The following GSTM3 variants were observed in gnomAD, a reference collection of about 807,000 sequenced individuals.
The protein encoded by GSTM3 is GST class-mu 3.
In GSTM3, 34 loss-of-function variants were observed where a neutral mutation model predicts 36.1. The observed-to-expected ratio is 0.94, with a 90% CI of 0.72 to 1.25. GSTM3 has a LOEUF of 1.25. Among genes scored for constraint, GSTM3 ranks in the 50% most tolerant of loss-of-function variants. GSTM3 has a pLI of 0.00. For missense variants in GSTM3, 266 were observed against 281.6 expected, an observed-to-expected ratio of 0.94 and a Z score of 0.40; for synonymous variants, 102 against 99.5, an observed-to-expected ratio of 1.03 and a Z score of -0.15.
intron 5 of GSTM3, 24 bp downstream of exon 5, chr1:109,738,261 C>G (rs760419434): frequency 6.2e-7 from 1 of 1,603,444 alleles, no homozygotes; most frequent in East Asian, 2.2e-5. Context: ...GCCTGGGGTC[C>G]CTCACCAGCC....
chr1:109,739,730 C>T, intron 3 of GSTM3, 103 bp downstream of exon 3: 1 of 882,958 alleles, frequency 1.1e-6, no homozygotes, highest in Non-Finnish European at 1.8e-6. Flanking sequence ...TTGGGGCAAA[C>T]GTCCCACCCG....
At chr1:109,739,984 CGGGG>C (rs1649320254) in intron 2 of GSTM3, 76 bp from the exon 3 acceptor site, 1 of 1,237,422 alleles carries the variant, frequency 8.1e-7, no homozygotes. Context: ...TTCCCCGGCC[CGGGG>C]CTGCCGAGTC....
Position 109,737,482 on chromosome 1 carries a change from A to C in GSTM3, c.554T>G (p.Leu185Arg). The C allele has an allele frequency of 2.5e-6, 4 of 1,611,026 alleles. No homozygotes were observed. Among genetic ancestry groups the C allele is most frequent in the Non-Finnish European group, 3.4e-6 (4 of 1,177,262 alleles). ...DPKCLDEFPN[L>R]KAFMCRFEAL... ...CTCAAAACGGCACATGAAAGCCTTC[A>C]GGTTTGGGAACTCATCCAGGCACTT... The change falls in exon 8 of 9, where the codon CTG becomes CGG. Residue 185 changes from leucine (L) to arginine (R), a missense_variant. Physicochemically the swap from Leu to Arg is moderately radical, Grantham distance 102. Coordinates refer to ENST00000361066, the MANE Select transcript of GSTM3 (RefSeq NM_000849.5).
In GSTM3 at chr1:109,737,730, AG is replaced by A; in HGVS notation, c.393del (p.Leu132TrpfsTer8). 2.5e-6 allele frequency: 4 copies of A among 1,596,942 alleles called. No individual in the cohort carries two copies. The highest frequency in any genetic ancestry group is 3.4e-6 in the Non-Finnish European group (4 of 1,171,010). The part of the protein sequence containing the change: ...SSDHEKLKPQ[Y>X]LEELPGQLKQ... ...TTCAGTTGTCCAGGTAGCTCTTCCA[AG>A]TACTGAGGCTTCAGTTTTTCCTGAG... On this transcript the variant is annotated frameshift_variant, in exon 7 of 9. Coordinates refer to ENST00000361066, the MANE Select transcript of GSTM3 (RefSeq NM_000849.5). LOFTEE classifies it high-confidence loss of function.
In GSTM3 at chr1:109,736,667, T is replaced by A. The variant is rs1649208401; in HGVS notation, c.*404A>T. 1 of 164,334 alleles carries A rather than the reference T, an allele frequency of 6.1e-6. No individual in the cohort carries two copies. Among genetic ancestry groups the A allele is most frequent in the African/African-American group, 2.4e-5 (1 of 41,670 alleles). 10.2% of individuals were successfully genotyped at this position (164,334 alleles called of 1,614,324 possible). The stretch of plus-strand genomic sequence containing the variant: ...CTGCCTTTATCACACTAAACTCCCA[T>A]GTGTACACAGGACGGTTTCCGAACT... On this transcript the variant is annotated 3_prime_UTR_variant, in exon 9 of 9. Coordinates refer to ENST00000361066, the MANE Select transcript of GSTM3 (RefSeq NM_000849.5).
At position 109,739,818 on chromosome 1, in the gene GSTM3, G is replaced by A; in HGVS notation, c.124+15C>T. On this transcript the variant is annotated intron_variant, in intron 3 of 8. Coordinates refer to ENST00000361066, the MANE Select transcript of GSTM3 (RefSeq NM_000849.5). ...AGGGCCAGCTTGGCTGCACGGGCAC[G>A]CGGAGCGGCATTACCTTCCCCGCAC... 1 of 1,538,544 alleles carries A rather than the reference G, an allele frequency of 6.5e-7. No homozygotes were observed. Among genetic ancestry groups the A allele is most frequent in the South Asian group, 1.2e-5 (1 of 83,840 alleles).
intron 3 of GSTM3, 71 bp downstream of exon 3, chr1:109,739,762 C>A: frequency 8.3e-7 from 1 of 1,210,970 alleles, no homozygotes; most frequent in Non-Finnish European, 1.2e-6. Context: ...ACGCCACCAC[C>A]CTCTGGGCGT....
In GSTM3 at chr1:109,735,356, G is replaced by A. The variant is rs569158588; in HGVS notation, c.*1715C>T. ...GCACAGCTAATTAAAAAAAATTTTT[G>A]GGAGACAGGGGTCTCACTATGTTGC... On this transcript the variant is annotated 3_prime_UTR_variant, in exon 9 of 9. Coordinates refer to ENST00000361066, the MANE Select transcript of GSTM3 (RefSeq NM_000849.5). The A allele has an allele frequency of 6.6e-6, 1 of 151,902 alleles. No individual in the cohort carries two copies. Among genetic ancestry groups the A allele is most frequent in the African/African-American group, 2.4e-5 (1 of 41,412 alleles). The allele number at this position is 151,902 out of a possible 1,614,324, so 9.4% of individuals were successfully genotyped here. A position where few individuals can be genotyped will look rare whatever the true frequency, so the allele number is the denominator to read the frequency against.
chr1:109,739,858 CTCA>C lies in GSTM3; in HGVS notation c.96_98del (p.Tyr32_Glu33delinsTer). ...CTTCCCCGCACGTGTACCGTTTCTC[CTCA>C]TAAGAGGTATCCGTGAACTCCAGGA... On this transcript the variant is annotated stop_gained and inframe_deletion, in exon 3 of 9. Coordinates refer to ENST00000361066, the MANE Select transcript of GSTM3 (RefSeq NM_000849.5). LOFTEE classifies it high-confidence loss of function. 6.4e-7 allele frequency: 1 copy of C among 1,554,038 alleles called. No homozygotes were observed. The highest frequency in any genetic ancestry group is 8.7e-7 in the Non-Finnish European group (1 of 1,148,000).
chr1:109,737,814 C>A, intron 6 of GSTM3, 63 bp from the exon 7 acceptor site: 1 of 996,086 alleles, frequency 1.0e-6, no homozygotes, highest in Non-Finnish European at 1.5e-6. Context: ...AGGGCACAGG[C>A]CAGTGATGGA....
Position 109,739,344 on chromosome 1 carries a change from C to T in GSTM3, c.189+85G>A, listed in dbSNP as rs1452681454. 1.2e-5 allele frequency: 11 copies of T among 881,694 alleles called. No individual in the cohort carries two copies. The East Asian group carries it at 2.4e-4, about 19-fold the overall frequency. The allele number at this position is 881,694 out of a possible 1,614,324, so 54.6% of individuals were successfully genotyped here. On this transcript the variant is annotated intron_variant, in intron 4 of 8. Coordinates refer to ENST00000361066, the MANE Select transcript of GSTM3 (RefSeq NM_000849.5). ...GGGTTAAGATCCCCTATTTTGCATCCTTCTGTACCAGGCAGGAGAGAGGCA... is the reference window on the plus strand; with the variant it reads ...GGGTTAAGATCCCCTATTTTGCATCTTTCTGTACCAGGCAGGAGAGAGGCA...
At chr1:109,739,941 C>T in intron 2 of GSTM3, 33 bp from the exon 3 acceptor site, 2 of 1,493,668 alleles carry the variant, frequency 1.3e-6, no homozygotes, top group Non-Finnish European at 1.8e-6. Flanking sequence ...GACTGCGCAG[C>T]TCCCACCCAT....
Position 109,737,446 on chromosome 1 carries a change from G to GGAAACGTCACCTC in GSTM3, c.577_579+10dup, listed in dbSNP as rs1649235024. 5.9e-6 allele frequency: 9 copies of GGAAACGTCACCTC among 1,534,410 alleles called. No individual in the cohort carries two copies. Among genetic ancestry groups the GGAAACGTCACCTC allele is most frequent in the African/African-American group, 1.4e-5 (1 of 73,326 alleles). On this transcript the variant is annotated intron_variant, in intron 8 of 8. Coordinates refer to ENST00000361066, the MANE Select transcript of GSTM3 (RefSeq NM_000849.5). ...AGTGTTTTTATAAGAGAAAGGTGCA[G>GGAAACGTCACCTC]GAAACGTCACCTCAAAACGGCACAT...
chr1:109,740,573 C>G lies in GSTM3; in HGVS notation c.-224-62G>C, dbSNP rs1010814734. 9 of 490,814 alleles carry G rather than the reference C, an allele frequency of 1.8e-5. No homozygotes were observed. In the East Asian group the frequency reaches 2.7e-4, roughly 15 times the overall value. 30.4% of individuals were successfully genotyped at this position (490,814 alleles called of 1,614,324 possible). On this transcript the variant is annotated intron_variant, in intron 1 of 8. Transcript: ENST00000361066. Reference sequence around the variant, plus strand: ...CCCTTCCCCGCGGGTGGGAGCCAGACTTCATTCATTAATGGTGCCAGTGAA... The same window carrying G: ...CCCTTCCCCGCGGGTGGGAGCCAGAGTTCATTCATTAATGGTGCCAGTGAA...
chr1:109,740,269 T>A lies in GSTM3; in HGVS notation c.19A>T (p.Met7Leu). ...CGAATATCCCAGTACCCGAGAACCATAGACGACTCGCACGACATGGTGACG... is the reference window on the plus strand; with the variant it reads ...CGAATATCCCAGTACCCGAGAACCAAAGACGACTCGCACGACATGGTGACG... MSCESS[M>L]VLGYWDIRGL... The change falls in exon 2 of 9, where the codon ATG (methionine) becomes TTG (leucine). Residue 7 changes from methionine (M) to leucine (L), a missense_variant. Coordinates refer to ENST00000361066, the MANE Select transcript of GSTM3 (RefSeq NM_000849.5). The A allele has an allele frequency of 6.2e-7, 1 of 1,613,584 alleles. No homozygotes were observed. The highest frequency in any genetic ancestry group is 8.5e-7 in the Non-Finnish European group (1 of 1,179,660).
At chr1:109,740,031 C>T (rs571318536) in intron 2 of GSTM3, 123 bp from the exon 3 acceptor site, 11 of 938,084 alleles carry the variant, frequency 1.2e-5, no homozygotes, top group Non-Finnish European at 1.6e-5. Flanking sequence ...GTTAAGCGGC[C>T]CCTAGGCCCG....
Position 109,737,756 on chromosome 1 carries a change from G to A in GSTM3, c.373-5C>T. 2 of 1,532,274 alleles carry A rather than the reference G, an allele frequency of 1.3e-6. No individual in the cohort carries two copies. Among genetic ancestry groups the A allele is most frequent in the Non-Finnish European group, 1.8e-6 (2 of 1,116,578 alleles). The allele number at this position is 1,532,274 out of a possible 1,614,324, so 94.9% of individuals were successfully genotyped here. ...GTACTGAGGCTTCAGTTTTTCCTGA[G>A]AGGAAAAAACAGAATGAGAATAGTG... is the stretch of plus-strand genomic sequence containing the variant. On this transcript the variant is annotated splice_polypyrimidine_tract_variant and splice_region_variant and intron_variant, in intron 6 of 8. Coordinates refer to ENST00000361066, the MANE Select transcript of GSTM3 (RefSeq NM_000849.5).
In GSTM3 at chr1:109,736,658, A is replaced by G. The variant is rs889354688; in HGVS notation, c.*413T>C. On this transcript the variant is annotated 3_prime_UTR_variant, in exon 9 of 9. Transcript: ENST00000361066. Reference sequence around the variant, plus strand: ...TCTGAAATACTGCCTTTATCACACTAAACTCCCATGTGTACACAGGACGGT... The same window carrying G: ...TCTGAAATACTGCCTTTATCACACTGAACTCCCATGTGTACACAGGACGGT... 12 of 158,176 alleles carry G rather than the reference A, an allele frequency of 7.6e-5. No homozygotes were observed. The highest frequency in any genetic ancestry group is 1.5e-4 in the Non-Finnish European group (11 of 72,090). The allele number at this position is 158,176 out of a possible 1,614,324, so 9.8% of individuals were successfully genotyped here.
Position 109,736,812 on chromosome 1 carries a change from T to G in GSTM3, c.*259A>C. 1 of 430,512 alleles carries G rather than the reference T, an allele frequency of 2.3e-6. No homozygotes were observed. The highest frequency in any genetic ancestry group is 2.8e-5 in the South Asian group (1 of 36,336). 26.7% of individuals were successfully genotyped at this position (430,512 alleles called of 1,614,324 possible). On this transcript the variant is annotated 3_prime_UTR_variant, in exon 9 of 9. Transcript: ENST00000361066. ...AACTGTGCAATCTCGTTTTTTCTAG[T>G]ACCCACTCTCAGGGCTTGGGCATGA...
Sources: allele counts gnomAD v4.1 joint callset, GRCh38; gene constraint gnomAD v4.1.1; transcripts MANE v1.5; gene names NCBI Gene and HGNC (gene_info 2026-07-23, HGNC 2026-07-21).